The following EPHA2 variants were observed in gnomAD, a reference collection of about 807,000 sequenced individuals.
The protein encoded by EPHA2 is ephrin type-A receptor 2.
Under a neutral mutation model 104.9 loss-of-function variants are expected in EPHA2, and 54 were observed. The ratio of observed to expected loss-of-function variants is 0.51; its 90% CI spans 0.41 to 0.65. The LOEUF is 0.65. EPHA2 is among the 30% of genes least tolerant of loss of function. The probability of loss-of-function intolerance (pLI) is 0.00; values close to 1 mark genes in which losing one functional copy is unlikely to be tolerated. For synonymous variants in EPHA2, 560 were observed against 559.1 expected, an observed-to-expected ratio of 1.00 and a Z score of -0.02; for missense variants, 1,117 against 1,369.5, an observed-to-expected ratio of 0.82 and a Z score of 2.91.
At chr1:16,143,353 T>G (rs905550401) in intron 3 of EPHA2, among the ~76,000 whole-genome samples, 7 of 152,004 alleles carry the variant, frequency 4.6e-5, no homozygotes, top group Non-Finnish European at 7.4e-5. Flanking sequence ...TGAGCAGTGT[T>G]TCAGCGCCCA....
intron 16 of EPHA2, among the ~76,000 whole-genome samples, chr1:16,127,507 G>A (rs1226978528): frequency 6.6e-6 from 1 of 152,162 alleles, no homozygotes; most frequent in Non-Finnish European, 1.5e-5. Flanking sequence ...CAAGAAGGCA[G>A]GAGGCTGAGA....
At chr1:16,139,079 G>A (rs890036096) in intron 3 of EPHA2, among the ~76,000 whole-genome samples, 2 of 152,160 alleles carry the variant, frequency 1.3e-5, no homozygotes, top group East Asian at 1.9e-4. Flanking sequence ...AGTCATATCC[G>A]CCACTCACAA....
intron 3 of EPHA2, among the ~76,000 whole-genome samples, chr1:16,139,939 C>T (rs2024790489): frequency 6.6e-6 from 1 of 152,158 alleles, no homozygotes; most frequent in Non-Finnish European, 1.5e-5. Context: ...CTGGGGACAA[C>T]CTGGCCCCTA....
At position 16,131,874 on chromosome 1, in the gene EPHA2, C is replaced by T. The variant is rs781762535; in HGVS notation, c.2326-4G>A. The T allele has an allele frequency of 1.2e-6, 2 of 1,613,180 alleles. No individual in the cohort carries two copies. The highest frequency in any genetic ancestry group is 3.3e-5 in the Admixed American group (2 of 59,940). On this transcript the variant is annotated splice_region_variant and splice_polypyrimidine_tract_variant and intron_variant, in intron 13 of 16. Transcript: ENST00000358432. This position sits in a 1 kb window ranked among gnomAD's most constrained non-coding sequence, Gnocchi z 5.2. Reference sequence around the variant, plus strand: ...AGCGGATGGGGATCTTGCCGCCCTGCAGGGAACCCAGGCCCAGTCACCACT... The same window carrying T: ...AGCGGATGGGGATCTTGCCGCCCTGTAGGGAACCCAGGCCCAGTCACCACT...
intron 3 of EPHA2, 75 bp from the exon 4 acceptor site, chr1:16,138,505 C>T: frequency 6.2e-7 from 1 of 1,603,530 alleles, no homozygotes; most frequent in Non-Finnish European, 8.5e-7. Flanking sequence ...TGTCTCATTC[C>T]CTCACCAGGG....
At chr1:16,129,320 A>G in intron 16 of EPHA2, 114 bp downstream of exon 16, 1 of 1,310,352 alleles carries the variant, frequency 7.6e-7, no homozygotes, top group South Asian at 1.3e-5. Flanking sequence ...CCCAGAAGAG[A>G]AAGAACAAAG....
At chr1:16,137,652 A>C (rs2024738459) in intron 5 of EPHA2, among the ~76,000 whole-genome samples, 1 of 152,272 alleles carries the variant, frequency 6.6e-6, no homozygotes, top group Non-Finnish European at 1.5e-5. Flanking sequence ...AAGATAATTT[A>C]CGAATTTGTG....
chr1:16,154,591 T>C (rs1032781129), intron 1 of EPHA2, among the ~76,000 whole-genome samples: 1 of 151,386 alleles, frequency 6.6e-6, no homozygotes, highest in African/African-American at 2.4e-5. Flanking sequence ...TCGTCTCCAC[T>C]AAAAGATGCA....
In EPHA2 at chr1:16,150,983, G is replaced by A; in HGVS notation, c.86-20C>T. 1 of 1,613,754 alleles carries A rather than the reference G, an allele frequency of 6.2e-7. No individual in the cohort carries two copies. The highest frequency in any genetic ancestry group is 8.5e-7 in the Non-Finnish European group (1 of 1,179,850). ...GTACCACTGAAAGGGAGAAGGGAGA[G>A]GGGGTGAGCCTGGGGGTGTCTTCAG... On this transcript the variant is annotated intron_variant, in intron 1 of 16. Coordinates refer to ENST00000358432, the MANE Select transcript of EPHA2 (RefSeq NM_004431.5). This position sits in a 1 kb window ranked among gnomAD's most constrained non-coding sequence, Gnocchi z 4.8.
rs763210348 is a variant in EPHA2 at position 16,135,046 on chromosome 1, G to A, written c.1572C>T (p.Phe524=). Residue 524 remains phenylalanine, a synonymous_variant, in exon 7 of 17, where the codon TTC becomes TTT. Transcript: ENST00000358432. The surrounding 1 kb of genome is among the most constrained non-coding windows in gnomAD (Gnocchi z 4.3). ...GQGAGSKVHE[F]QTLSPEGSGN... is the part of the protein sequence containing the mutation. ...GGTCCCCCAACTCACACAGCGTCTG[G>A]AATTCGTGCACCTTGCTGCCGGCCC... The A allele has an allele frequency of 4.3e-6, 7 of 1,612,748 alleles. No individual in the cohort carries two copies. The Admixed American group carries it at 8.3e-5, about 19-fold the overall frequency.
At chr1:16,127,808 G>A (rs1183152117) in intron 16 of EPHA2, among the ~76,000 whole-genome samples, 1 of 152,154 alleles carries the variant, frequency 6.6e-6, no homozygotes, top group East Asian at 1.9e-4. Context: ...TCACAACAAC[G>A]CGCACTGCAG....
chr1:16,136,666 GAAGAAAA>G (rs1230650167), intron 5 of EPHA2, among the ~76,000 whole-genome samples: 1,234 of 95,244 alleles, frequency 0.013, 55 homozygotes, highest in African/African-American at 0.047. Flanking sequence ...AAGAAGAAAA[GAAGAAAA>G]GAAGAAGAAA....
intron 3 of EPHA2, among the ~76,000 whole-genome samples, chr1:16,140,848 G>A (rs940456200): frequency 6.6e-6 from 1 of 151,902 alleles, no homozygotes; most frequent in African/African-American, 2.4e-5. Flanking sequence ...TGATCCACCC[G>A]TCTCGGCCTC....
intron 3 of EPHA2, among the ~76,000 whole-genome samples, chr1:16,143,491 T>G (rs1344969466): frequency 6.6e-6 from 1 of 152,088 alleles, no homozygotes; most frequent in Non-Finnish European, 1.5e-5. Context: ...CCTGGGCTAC[T>G]CCGAGCAGGG....
At chr1:16,133,696 C>A in intron 9 of EPHA2, 90 bp from the exon 10 acceptor site, 1 of 1,588,254 alleles carries the variant, frequency 6.3e-7, no homozygotes, top group South Asian at 1.1e-5. Context: ...ACGTGATCTT[C>A]AGAGACTTGG....
chr1:16,151,283 C>T (rs911376548), intron 1 of EPHA2, among the ~76,000 whole-genome samples: 5 of 152,148 alleles, frequency 3.3e-5, no homozygotes, highest in Non-Finnish European at 4.4e-5. Context: ...GAGCTCAGCC[C>T]GGCAGGAGAA....
At chr1:16,153,773 G>A (rs1289370501) in intron 1 of EPHA2, among the ~76,000 whole-genome samples, 1 of 152,150 alleles carries the variant, frequency 6.6e-6, no homozygotes, top group East Asian at 1.9e-4. Flanking sequence ...GAAGTCTGAA[G>A]CAGCCTGGGG....
intron 1 of EPHA2, among the ~76,000 whole-genome samples, chr1:16,152,931 G>A (rs910398853): frequency 4.6e-5 from 7 of 152,094 alleles, no homozygotes; most frequent in Admixed American, 1.3e-4. Flanking sequence ...AACAGGAGGC[G>A]CCCAGCGCTG....
At position 16,134,632 on chromosome 1, in the gene EPHA2, C is replaced by T. The variant is rs757446262; in HGVS notation, c.1583-65G>A. The T allele has an allele frequency of 2.8e-4, 427 of 1,509,922 alleles. No individual in the cohort carries two copies. Among genetic ancestry groups the T allele is most frequent in the Non-Finnish European group, 3.3e-4 (368 of 1,099,626 alleles). The allele number at this position is 1,509,922 out of a possible 1,614,324, so 93.5% of individuals were successfully genotyped here. On this transcript the variant is annotated intron_variant, in intron 7 of 16. Transcript: ENST00000358432. The surrounding 1 kb of genome is among the most constrained non-coding windows in gnomAD (Gnocchi z 4.5). ...ACAAATTACAGCAACACCCGCGCTG[C>T]ACCCAAGACACCTGGGCCCCTACTG... is the stretch of plus-strand genomic sequence containing the variant.
Sources: allele counts gnomAD v4.1 joint callset (sites outside exome capture counted in the v4.1 genomes callset), GRCh38; gene constraint gnomAD v4.1.1; non-coding constraint Gnocchi (gnomAD v3.1); transcripts MANE v1.5; gene names NCBI Gene and HGNC (gene_info 2026-07-23, HGNC 2026-07-21).